GPHN: variants seen among roughly 807,000 people sequenced by gnomAD.
GPHN encodes the protein gephyrin.
Under a neutral mutation model 95.5 loss-of-function variants are expected in GPHN, and 17 were observed. That is an observed-to-expected ratio of 0.18 (90% CI 0.12 to 0.27). The LOEUF is 0.27. GPHN is among the 10% of genes least tolerant of loss of function. GPHN has a pLI of 1.00. For missense variants in GPHN, 660 were observed against 978.1 expected (o/e 0.67, Z 4.34); for synonymous variants, 320 against 322.5 (o/e 0.99, Z 0.08).
chr14:66,955,327 T>C (rs1422246170), intron 8 of GPHN, among the ~76,000 whole-genome samples: 2 of 152,210 alleles, frequency 1.3e-5, no homozygotes, highest in Non-Finnish European at 2.9e-5. Context: ...GAGTTGGTTT[T>C]GGTAGTGTCT....
At chr14:66,674,075 G>A (rs981960009) in intron 1 of GPHN, among the ~76,000 whole-genome samples, 1 of 151,280 alleles carries the variant, frequency 6.6e-6, no homozygotes, top group Non-Finnish European at 1.5e-5. Context: ...GTGCTGTAAA[G>A]ACTAGAGCTT....
At chr14:67,052,607 T>G (rs757400622) in intron 10 of GPHN, among the ~76,000 whole-genome samples, 8 of 152,188 alleles carry the variant, frequency 5.3e-5, no homozygotes, top group Non-Finnish European at 1.0e-4. Flanking sequence ...CTGACAGATA[T>G]CTACAGAACT....
the GPHN span, among the ~76,000 whole-genome samples, chr14:67,265,125 GA>G: frequency 6.6e-6 from 1 of 152,288 alleles, no homozygotes; most frequent in East Asian, 1.9e-4. Flanking sequence ...TTTAAGCTAT[GA>G]AAATAGCAGT....
chr14:67,589,308 G>T, the GPHN span: 3 of 972,946 alleles, frequency 3.1e-6, no homozygotes, highest in Non-Finnish European at 3.7e-6. Context: ...TAGAAACAAA[G>T]GATTCAATAT....
intron 2 of GPHN, among the ~76,000 whole-genome samples, chr14:66,740,820 T>C (rs2072738361): frequency 6.6e-6 from 1 of 152,194 alleles, no homozygotes; most frequent in Admixed American, 6.5e-5. Flanking sequence ...GCTGAGAGTC[T>C]TCATTTAGGT....
chr14:67,276,256 T>C, the GPHN span, among the ~76,000 whole-genome samples: 1 of 152,188 alleles, frequency 6.6e-6, no homozygotes, highest in Non-Finnish European at 1.5e-5. Context: ...AGTTTTATCA[T>C]TATTCATGTA....
the GPHN span, among the ~76,000 whole-genome samples, chr14:67,608,849 G>GA: frequency 5.3e-5 from 8 of 152,284 alleles, no homozygotes; most frequent in African/African-American, 1.9e-4. Context: ...GAACTGAATA[G>GA]AAAACAACAA....
chr14:66,906,996 T>C (rs1013716998), intron 5 of GPHN, among the ~76,000 whole-genome samples: 3 of 152,228 alleles, frequency 2.0e-5, no homozygotes, highest in East Asian at 1.9e-4. Flanking sequence ...TTCTTCTATA[T>C]GCTTGCTAGT....
At chr14:67,496,438 C>T in the GPHN span, among the ~76,000 whole-genome samples, 1 of 107,766 alleles carries the variant, frequency 9.3e-6, no homozygotes, top group Non-Finnish European at 1.7e-5. Context: ...GGGTCTGGCT[C>T]TGTCACCCAG....
chr14:67,384,625 C>G, the GPHN span: 1 of 152,046 alleles, frequency 6.6e-6, no homozygotes, highest in Admixed American at 6.5e-5. Context: ...ATAGTCAATC[C>G]AAGACTAGAC....
chr14:67,237,327 G>A, the GPHN span, among the ~76,000 whole-genome samples: 1 of 152,016 alleles, frequency 6.6e-6, no homozygotes, highest in African/African-American at 2.4e-5. Flanking sequence ...AACCATACTA[G>A]TGAAGACCTG....
At chr14:66,841,455 G>C (rs2062084298) in intron 4 of GPHN, among the ~76,000 whole-genome samples, 1 of 152,136 alleles carries the variant, frequency 6.6e-6, no homozygotes, top group South Asian at 2.1e-4. Context: ...AAATAATCCA[G>C]GTGGAAAATG....
chr14:66,631,320 T>C (rs2063800436), intron 1 of GPHN, among the ~76,000 whole-genome samples: 1 of 152,192 alleles, frequency 6.6e-6, no homozygotes, highest in Non-Finnish European at 1.5e-5. Flanking sequence ...GTGCTGGGAT[T>C]ACAGGCATGA....
chr14:67,557,470 C>G, the GPHN span: 1 of 1,563,388 alleles, frequency 6.4e-7, no homozygotes, highest in East Asian at 2.2e-5. Context: ...ATCTGTACTG[C>G]TGGCCCCCAG....
chr14:67,714,967 CAAATT>C, the GPHN span: 1 of 152,340 alleles, frequency 6.6e-6, no homozygotes, highest in Non-Finnish European at 1.5e-5. Context: ...TGGACACAAA[CAAATT>C]AAAGGCAAGA....
At chr14:67,463,230 G>A in the GPHN span, among the ~76,000 whole-genome samples, 2 of 152,010 alleles carry the variant, frequency 1.3e-5, no homozygotes, top group Non-Finnish European at 2.9e-5. Context: ...ACCAGCCTGG[G>A]CAATATAGTG....
chr14:66,839,178 T>C (rs140118931), intron 4 of GPHN, among the ~76,000 whole-genome samples: 1 of 152,292 alleles, frequency 6.6e-6, no homozygotes, highest in East Asian at 1.9e-4. Flanking sequence ...AAACCTCTCT[T>C]GTATGTACAG....
At chr14:66,548,030 C>G (rs555507831) in intron 1 of GPHN, among the ~76,000 whole-genome samples, 1 of 151,604 alleles carries the variant, frequency 6.6e-6, no homozygotes, top group Non-Finnish European at 1.5e-5. Context: ...ATCCAGCAGA[C>G]TTGTTGGTAT....
intron 1 of GPHN, among the ~76,000 whole-genome samples, chr14:66,545,299 C>A (rs1240357865): frequency 7.2e-6 from 1 of 139,860 alleles, no homozygotes; most frequent in Non-Finnish European, 1.6e-5. Flanking sequence ...GAGGCGCCCC[C>A]CACCTCCCAG....
Sources: gnomAD v4.1 joint callset for allele counts (sites outside exome capture counted in the v4.1 genomes callset) on GRCh38, gnomAD v4.1.1 for gene constraint, MANE v1.5 for transcripts, NCBI Gene and HGNC (gene_info 2026-07-23, HGNC 2026-07-21) for gene names.